CEP72: variants seen among roughly 807,000 people sequenced by gnomAD.
The protein encoded by CEP72 is centrosomal protein 72.
CEP72 carries 78 observed loss-of-function variants against 65.7 expected under a neutral mutation model. The ratio of observed to expected loss-of-function variants is 1.19; its 90% CI spans 0.99 to 1.43. The LOEUF is 1.43. Among genes scored for constraint, CEP72 ranks in the 40% most tolerant of loss-of-function variants. CEP72 has a pLI of 0.00. For missense variants in CEP72, 914 were observed against 832.9 expected, an observed-to-expected ratio of 1.10 and a Z score of -1.20; for synonymous variants, 358 against 351.7, an observed-to-expected ratio of 1.02 and a Z score of -0.20.
chr5:667,042 A>G (rs1739945254), exon 5 of CEP72: 1 of 151,570 alleles, frequency 6.6e-6, no homozygotes, highest in African/African-American at 2.5e-5. Context: ...CAGAATCCAC[A>G]GTGACCAAGA....
downstream of CEP72, among the ~76,000 whole-genome samples, chr5:668,364 G>A (rs116105520): frequency 8.5e-3 from 782 of 92,248 alleles, 40 homozygotes; most frequent in African/African-American, 0.036. Flanking sequence ...CAAGCACACT[G>A]GAGAGGGGTC....
downstream of CEP72, among the ~76,000 whole-genome samples, chr5:653,801 G>A (rs1739260756): frequency 6.6e-6 from 1 of 152,180 alleles, no homozygotes; most frequent in African/African-American, 2.4e-5. Context: ...TGAAAATTAT[G>A]TCATAATAGG....
chr5:639,520 C>T (rs1737858850), intron 8 of CEP72, among the ~76,000 whole-genome samples: 1 of 152,238 alleles, frequency 6.6e-6, no homozygotes, highest in African/African-American at 2.4e-5. Context: ...GGGCTTGGTT[C>T]TGATGGCTGT....
At chr5:633,386 GCT>G (rs1737347371) in intron 4 of CEP72, among the ~76,000 whole-genome samples, 1 of 113,356 alleles carries the variant, frequency 8.8e-6, no homozygotes, top group Non-Finnish European at 1.9e-5. Context: ...TCTGTCCAGT[GCT>G]GGATTTGACC....
chr5:670,777 C>T (rs1740193022), downstream of CEP72, among the ~76,000 whole-genome samples: 1 of 152,212 alleles, frequency 6.6e-6, no homozygotes, highest in Non-Finnish European at 1.5e-5. Flanking sequence ...GGACCTAGAG[C>T]AACGTTTCCC....
intron 4 of CEP72, among the ~76,000 whole-genome samples, chr5:666,602 C>G (rs527845835): frequency 6.6e-6 from 1 of 151,518 alleles, no homozygotes; most frequent in Non-Finnish European, 1.5e-5. Flanking sequence ...CGCAGGCCCA[C>G]GCCTCAGATG....
chr5:635,526 A>G lies in CEP72; in HGVS notation c.846A>G (p.Gly282=), dbSNP rs1412644631. 3 of 1,613,242 alleles carry G rather than the reference A, an allele frequency of 1.9e-6. No individual in the cohort carries two copies. The highest frequency in any genetic ancestry group is 2.2e-5 in the East Asian group (1 of 44,894). ...GTGGAGAGCTTCCGCCACTGTACGGAGCGGAGCCAGAGGCCTCCCGTGCCC... is the reference window on the plus strand; with the variant it reads ...GTGGAGAGCTTCCGCCACTGTACGGGGCGGAGCCAGAGGCCTCCCGTGCCC... ...QLCGELPPLY[G]AEPEASRAPR... The change falls in exon 6 of 12, where the codon GGA becomes GGG. Residue 282 remains glycine (G), a synonymous_variant. Coordinates refer to ENST00000264935, the MANE Select transcript of CEP72 (RefSeq NM_018140.4).
At chr5:651,581 A>C (rs1026756531) in intron 11 of CEP72, among the ~76,000 whole-genome samples, 5 of 151,830 alleles carry the variant, frequency 3.3e-5, no homozygotes, top group African/African-American at 9.7e-5. Context: ...CTCCCTGGCT[A>C]TAGGGGGATG....
rs1407352695 is a variant in CEP72, at chr5:666,133, C to CA, written n.592+35dup. ...CCGGCAAGACTTCCCTCTACAGGGG[C>CA]ACAGGCGACTTAGGGCTGGGCGCGG... On this transcript the variant is annotated intron_variant and non_coding_transcript_variant, in intron 4 of 4. Coordinates refer to the CEP72 transcript ENST00000514507. 5 of 1,610,036 alleles carry CA rather than the reference C, an allele frequency of 3.1e-6. No individual in the cohort carries two copies. In the East Asian group the frequency reaches 1.1e-4, roughly 36 times the overall value.
At chr5:675,675 C>T in the CEP72 span, among the ~76,000 whole-genome samples, 22 of 151,970 alleles carry the variant, frequency 1.4e-4, no homozygotes, top group African/African-American at 4.4e-4. Flanking sequence ...AGCCCCAGCC[C>T]TTGTTGGGCC....
chr5:656,090 G>A (rs139098081), downstream of CEP72, among the ~76,000 whole-genome samples: 14 of 152,084 alleles, frequency 9.2e-5, no homozygotes, highest in African/African-American at 3.4e-4. Flanking sequence ...TGATTTTTGC[G>A]CCTGTTGTGA....
At chr5:662,921 C>T (rs1197390106) in intron 1 of CEP72, 3 of 143,712 alleles carry the variant, frequency 2.1e-5, no homozygotes, top group Admixed American at 6.8e-5. Context: ...ATTCTGGTGA[C>T]CGCTCGTCTG....
At chr5:639,509 G>A (rs964898104) in intron 8 of CEP72, among the ~76,000 whole-genome samples, 1 of 152,234 alleles carries the variant, frequency 6.6e-6, no homozygotes, top group African/African-American at 2.4e-5. Flanking sequence ...GCTGTCCAAA[G>A]GGGCTTGGTT....
At chr5:656,050 T>C (rs1346543855), downstream of CEP72, among the ~76,000 whole-genome samples, 2 of 152,252 alleles carry the variant, frequency 1.3e-5, no homozygotes, top group Non-Finnish European at 2.9e-5. Context: ...TTGTATATTT[T>C]GGATTTTAGA....
At chr5:622,221 C>T (rs1348800728) in intron 3 of CEP72, among the ~76,000 whole-genome samples, 1 of 152,338 alleles carries the variant, frequency 6.6e-6, no homozygotes, top group South Asian at 2.1e-4. Context: ...TAAAGGAGTC[C>T]TCTTGGAAGA....
intron 10 of CEP72, among the ~76,000 whole-genome samples, chr5:647,252 G>A (rs564374115): frequency 2.2e-3 from 341 of 152,312 alleles, no homozygotes; most frequent in Non-Finnish European, 3.5e-3. Context: ...TTTGTATCCC[G>A]TGTTTGGATT....
intron 11 of CEP72, among the ~76,000 whole-genome samples, chr5:649,073 G>C (rs143444920): frequency 0.099 from 13,273 of 134,322 alleles, 3 homozygotes; most frequent in Non-Finnish European, 0.14. Flanking sequence ...TGTGGACTGT[G>C]AGGTGTGACT....
At chr5:654,278 T>C (rs1739301143), downstream of CEP72, among the ~76,000 whole-genome samples, 1 of 145,014 alleles carries the variant, frequency 6.9e-6, no homozygotes, top group South Asian at 2.2e-4. Flanking sequence ...CTTGTGCGCT[T>C]GCTGTGTGTG....
At chr5:663,810 C>T (rs1454163744) in intron 2 of CEP72, 1 of 152,388 alleles carries the variant, frequency 6.6e-6, no homozygotes, top group Non-Finnish European at 1.5e-5. Context: ...GACTCCAGAA[C>T]CACGGCCCAG....
Sources: gnomAD v4.1 joint callset for allele counts (sites outside exome capture counted in the v4.1 genomes callset) on GRCh38, gnomAD v4.1.1 for gene constraint, MANE v1.5 for transcripts, NCBI Gene and HGNC (gene_info 2026-07-23, HGNC 2026-07-21) for gene names.